Variants in LUZP2 observed in about 807,000 individuals in gnomAD.
The protein encoded by LUZP2 is leucine zipper protein 2.
LUZP2 carries 52 observed loss-of-function variants against 51.6 expected under a neutral mutation model. The observed-to-expected ratio is 1.01, with a 90% CI of 0.81 to 1.27. The LOEUF is 1.27. Ranked by LOEUF, LUZP2 falls within the 50% of genes most tolerant of loss-of-function variation. The probability of loss-of-function intolerance (pLI) is 0.00; values close to 1 mark genes in which losing one functional copy is unlikely to be tolerated. For synonymous variants in LUZP2, 154 were observed against 137.3 expected (o/e 1.12, Z -0.85); for missense variants, 436 against 395.4 (o/e 1.10, Z -0.87).
chr11:24,770,276 T>C (rs1312896069), intron 5 of LUZP2, among the ~76,000 whole-genome samples: 1 of 152,218 alleles, frequency 6.6e-6, no homozygotes, highest in Non-Finnish European at 1.5e-5. Flanking sequence ...CTAGGAATTA[T>C]TAGACAAATC....
Position 24,736,889 on chromosome 11 carries a change from T to A in LUZP2, c.252-1332T>A, listed in dbSNP as rs372140978. On this transcript the variant is annotated intron_variant, in intron 3 of 11. Transcript: ENST00000336930. ...GGCATAAATCATTTAAAAACCAAAG[T>A]GACTGTAATTATTCTATAACTTGTT... 3.9e-5 allele frequency among the ~76,000 whole-genome samples: 6 copies of A among 152,118 alleles called. No homozygotes were observed. In the South Asian group the frequency reaches 6.2e-4, roughly 16 times the overall value.
At chr11:24,569,822 A>T (rs1423396900) in intron 1 of LUZP2, among the ~76,000 whole-genome samples, 1 of 152,034 alleles carries the variant, frequency 6.6e-6, no homozygotes. Context: ...ATGGAATAGT[A>T]TGGGGAATCT....
chr11:24,933,975 G>A (rs373130631), intron 7 of LUZP2, among the ~76,000 whole-genome samples: 33 of 152,220 alleles, frequency 2.2e-4, no homozygotes, highest in East Asian at 1.2e-3. Context: ...GTTGGGGGGA[G>A]GATATTACAA....
intron 1 of LUZP2, among the ~76,000 whole-genome samples, chr11:24,583,706 C>CTTT (rs34143667): frequency 7.1e-6 from 1 of 141,338 alleles, no homozygotes; most frequent in Non-Finnish European, 1.5e-5. Context: ...GTATACCTTA[C>CTTT]TTTTTTTTTT....
At chr11:24,807,417 C>CA (rs1849888489) in intron 5 of LUZP2, among the ~76,000 whole-genome samples, 1 of 149,258 alleles carries the variant, frequency 6.7e-6, no homozygotes. Context: ...ACTGAGATCA[C>CA]ACCATTGCAC....
At chr11:25,051,574 T>A (rs374890478) in intron 10 of LUZP2, among the ~76,000 whole-genome samples, 10 of 152,112 alleles carry the variant, frequency 6.6e-5, no homozygotes, top group African/African-American at 1.9e-4. Flanking sequence ...ATCACAGCAG[T>A]ATGGCTAAAA....
At chr11:25,019,439 A>G (rs1033482321) in intron 9 of LUZP2, among the ~76,000 whole-genome samples, 3 of 152,152 alleles carry the variant, frequency 2.0e-5, no homozygotes, top group Non-Finnish European at 2.9e-5. Flanking sequence ...ACTATATCAT[A>G]TACCATTGTC....
intron 5 of LUZP2, among the ~76,000 whole-genome samples, chr11:24,824,542 A>C (rs547105750): frequency 1.3e-5 from 2 of 152,010 alleles, no homozygotes; most frequent in African/African-American, 4.8e-5. Flanking sequence ...GCTAAGAAGT[A>C]AGTCACAAAA....
intron 4 of LUZP2, among the ~76,000 whole-genome samples, chr11:24,761,998 A>G (rs1303807857): frequency 6.6e-6 from 1 of 152,014 alleles, no homozygotes; most frequent in Non-Finnish European, 1.5e-5. Context: ...AAATAATGAT[A>G]AATAATAATA....
At chr11:24,570,095 A>G (rs545421588) in intron 1 of LUZP2, among the ~76,000 whole-genome samples, 4 of 152,150 alleles carry the variant, frequency 2.6e-5, no homozygotes, top group African/African-American at 9.6e-5. Flanking sequence ...TTGTATCCAA[A>G]TTACTCTTTA....
intron 4 of LUZP2, among the ~76,000 whole-genome samples, chr11:24,741,426 T>A: frequency 6.6e-6 from 1 of 152,092 alleles, no homozygotes; most frequent in East Asian, 1.9e-4. Flanking sequence ...TTTCTTTTTT[T>A]ATTTTCCATA....
In LUZP2 at chr11:24,764,489, C is replaced by CAAAAAAAAAAAAAAA. The variant is rs1565124723; in HGVS notation, c.396+1181_396+1182insAAAAAAAAAAAAAAA. Among the ~76,000 whole-genome samples the CAAAAAAAAAAAAAAA allele has an allele frequency of 1.2e-3, 69 of 56,398 alleles. 5 individuals are homozygous for CAAAAAAAAAAAAAAA. Among genetic ancestry groups the CAAAAAAAAAAAAAAA allele is most frequent in the East Asian group, 4.5e-3 (10 of 2,198 alleles). The allele number at this position is 56,398 out of a possible 152,430, so 37.0% of individuals were successfully genotyped here. On this transcript the variant is annotated intron_variant, in intron 5 of 11. Transcript: ENST00000336930. ...TGGACAACATGGTAAAATCTCATCT[C>CAAAAAAAAAAAAAAA]TAAAAAAAAAAAAAAAAAAAAAAAA...
At chr11:24,618,969 C>T (rs887223318) in intron 1 of LUZP2, among the ~76,000 whole-genome samples, 1 of 151,766 alleles carries the variant, frequency 6.6e-6, no homozygotes, top group African/African-American at 2.4e-5. Flanking sequence ...CTGAAAAATT[C>T]TTATGTATTT....
At chr11:25,050,872 C>T (rs1175501442) in intron 10 of LUZP2, among the ~76,000 whole-genome samples, 1 of 152,164 alleles carries the variant, frequency 6.6e-6, no homozygotes, top group Non-Finnish European at 1.5e-5. Flanking sequence ...GATTCATTTC[C>T]TTCAAATGAT....
chr11:24,783,671 T>C (rs1849158329), intron 5 of LUZP2, among the ~76,000 whole-genome samples: 1 of 151,984 alleles, frequency 6.6e-6, no homozygotes, highest in Admixed American at 6.6e-5. Context: ...AACTGAAAAC[T>C]CCTTGTCAGA....
At chr11:24,675,789 A>ATATTTATTTATT (rs61265735) in intron 1 of LUZP2, among the ~76,000 whole-genome samples, 4 of 136,822 alleles carry the variant, frequency 2.9e-5, no homozygotes, top group South Asian at 2.4e-4. Context: ...TCTTTTTTTT[A>ATATTTATTTATT]TATTTATTTA....
chr11:24,781,739 C>T (rs1163856252), intron 5 of LUZP2, among the ~76,000 whole-genome samples: 3 of 151,888 alleles, frequency 2.0e-5, no homozygotes, highest in African/African-American at 4.8e-5. Flanking sequence ...ACATTAGGAA[C>T]CCTTCTGCCT....
intron 7 of LUZP2, among the ~76,000 whole-genome samples, chr11:24,930,497 A>G (rs1027357858): frequency 2.0e-5 from 3 of 152,174 alleles, no homozygotes; most frequent in African/African-American, 7.2e-5. Context: ...GTTTCACTGG[A>G]TACAAAATTC....
intron 5 of LUZP2, among the ~76,000 whole-genome samples, chr11:24,895,716 C>T (rs1383409350): frequency 6.6e-6 from 1 of 152,142 alleles, no homozygotes; most frequent in Non-Finnish European, 1.5e-5. Flanking sequence ...GCATAGTATT[C>T]CATGGTGTAT....
Sources: gnomAD v4.1 joint callset for allele counts (sites outside exome capture counted in the v4.1 genomes callset) on GRCh38, gnomAD v4.1.1 for gene constraint, MANE v1.5 for transcripts, NCBI Gene and HGNC (gene_info 2026-07-23, HGNC 2026-07-21) for gene names.